The following PCDH9 variants were observed in gnomAD, a reference collection of about 807,000 sequenced individuals.
PCDH9 encodes the protein protocadherin 9, also known as protocadherin-9.
PCDH9 carries 24 observed loss-of-function variants against 70.6 expected under a neutral mutation model. The observed-to-expected ratio is 0.34, with a 90% CI of 0.25 to 0.48. The LOEUF (loss-of-function observed/expected upper bound fraction) is 0.48, where lower values mean the gene tolerates loss of function less well. PCDH9 is among the 20% of genes least tolerant of loss of function. The pLI, the probability that PCDH9 is intolerant of heterozygous loss-of-function variation, is 0.99. For synonymous variants in PCDH9, 562 were observed against 558.5 expected (o/e 1.01, Z -0.09); for missense variants, 1,281 against 1,503.6 (o/e 0.85, Z 2.45).
chr13:67,131,198 A>G (rs1166812866), intron 2 of PCDH9, among the ~76,000 whole-genome samples: 1 of 152,118 alleles, frequency 6.6e-6, no homozygotes, highest in Non-Finnish European at 1.5e-5. Context: ...TTAGACTCCT[A>G]TTTTAAACTA....
At chr13:67,122,548 G>A (rs1049573374) in intron 2 of PCDH9, among the ~76,000 whole-genome samples, 24 of 152,040 alleles carry the variant, frequency 1.6e-4, no homozygotes, top group African/African-American at 5.8e-4. Flanking sequence ...GTCGAGGTGG[G>A]CGGATGACGA....
chr13:66,505,653 G>A (rs1352396458), intron 4 of PCDH9, among the ~76,000 whole-genome samples: 2 of 151,114 alleles, frequency 1.3e-5, no homozygotes, highest in Non-Finnish European at 2.9e-5. Flanking sequence ...TTGTGTAGGG[G>A]AACTCCCCTT....
chr13:66,973,466 G>A (rs1006345852), intron 2 of PCDH9, among the ~76,000 whole-genome samples: 1 of 151,900 alleles, frequency 6.6e-6, no homozygotes, highest in Non-Finnish European at 1.5e-5. Flanking sequence ...AAAGGAGGAG[G>A]AAACGACCAA....
intron 3 of PCDH9, among the ~76,000 whole-genome samples, chr13:66,816,504 T>C (rs2080608137): frequency 6.6e-6 from 1 of 152,100 alleles, no homozygotes. Flanking sequence ...TTTAAATTTA[T>C]TCCTTTTTTC....
At chr13:66,625,808 G>T (rs927640193) in intron 4 of PCDH9, among the ~76,000 whole-genome samples, 1 of 151,612 alleles carries the variant, frequency 6.6e-6, no homozygotes, top group Non-Finnish European at 1.5e-5. Context: ...TTACAGGCAC[G>T]CACCACCACA....
intron 2 of PCDH9, among the ~76,000 whole-genome samples, chr13:66,922,476 A>G (rs2082652366): frequency 6.6e-6 from 1 of 151,426 alleles, no homozygotes; most frequent in Non-Finnish European, 1.5e-5. Flanking sequence ...GACATTTTGT[A>G]TCTTTAATTT....
intron 4 of PCDH9, among the ~76,000 whole-genome samples, chr13:66,408,280 G>C (rs796557586): frequency 3.0e-4 from 46 of 152,272 alleles, no homozygotes; most frequent in Middle Eastern, 3.4e-3. Context: ...GGATGGTCTC[G>C]ATCTCCCAGC....
At chr13:67,165,927 T>C (rs1240592766) in intron 2 of PCDH9, among the ~76,000 whole-genome samples, 1 of 152,178 alleles carries the variant, frequency 6.6e-6, no homozygotes, top group African/African-American at 2.4e-5. Flanking sequence ...AATTAGAAAC[T>C]ACGTAACTAC....
chr13:66,850,936 C>A (rs80054745), intron 3 of PCDH9, among the ~76,000 whole-genome samples: 6 of 152,146 alleles, frequency 3.9e-5, no homozygotes, highest in African/African-American at 7.2e-5. Flanking sequence ...TACTTACAGA[C>A]AAGCTAGTCT....
chr13:67,130,279 A>T (rs1215731776), intron 2 of PCDH9, among the ~76,000 whole-genome samples: 1 of 152,192 alleles, frequency 6.6e-6, no homozygotes, highest in African/African-American at 2.4e-5. Context: ...GAAACAAAAC[A>T]CATCGAATAT....
chr13:67,183,054 A>G (rs2088658982), intron 2 of PCDH9, among the ~76,000 whole-genome samples: 1 of 152,172 alleles, frequency 6.6e-6, no homozygotes, highest in South Asian at 2.1e-4. Context: ...GATTTCTATG[A>G]CTGTTACTAC....
chr13:66,862,347 T>C (rs2081497818), intron 3 of PCDH9, among the ~76,000 whole-genome samples: 1 of 152,194 alleles, frequency 6.6e-6, no homozygotes, highest in Admixed American at 6.5e-5. Flanking sequence ...GTCTATAGTG[T>C]GTGGGTGTAG....
chr13:67,150,662 C>T (rs757357679), intron 2 of PCDH9, among the ~76,000 whole-genome samples: 11 of 152,090 alleles, frequency 7.2e-5, no homozygotes, highest in Non-Finnish European at 1.2e-4. Flanking sequence ...GAAGTGAGAA[C>T]AATAATTTCT....
At chr13:66,444,765 T>C (rs1157784693) in intron 4 of PCDH9, among the ~76,000 whole-genome samples, 1 of 152,032 alleles carries the variant, frequency 6.6e-6, no homozygotes, top group Non-Finnish European at 1.5e-5. Flanking sequence ...TTCACCATGT[T>C]GGCCAGGCTG....
chr13:66,872,395 A>G (rs1396172536), intron 3 of PCDH9, among the ~76,000 whole-genome samples: 1 of 152,106 alleles, frequency 6.6e-6, no homozygotes, highest in African/African-American at 2.4e-5. Flanking sequence ...AGTTGAAATA[A>G]TTTTACCATA....
chr13:66,816,049 T>G (rs1362788458), intron 3 of PCDH9, among the ~76,000 whole-genome samples: 2 of 152,216 alleles, frequency 1.3e-5, no homozygotes, highest in Non-Finnish European at 2.9e-5. Flanking sequence ...CAAATGCAGT[T>G]ACTTTCCATG....
chr13:66,711,245 C>A (rs1180585693), intron 3 of PCDH9, among the ~76,000 whole-genome samples: 1 of 152,082 alleles, frequency 6.6e-6, no homozygotes, highest in Non-Finnish European at 1.5e-5. Context: ...AATATGATTG[C>A]AATATCTTAA....
chr13:67,097,550 C>T (rs1009861455), intron 2 of PCDH9, among the ~76,000 whole-genome samples: 10 of 152,090 alleles, frequency 6.6e-5, no homozygotes, highest in African/African-American at 2.4e-4. Context: ...ATGTCTATAA[C>T]AGTAACTAAG....
rs2080003706 is a variant in PCDH9, at chr13:66,781,857, A to T, written c.3138+121647T>A. 2.4e-5 allele frequency among the ~76,000 whole-genome samples: 3 copies of T among 125,900 alleles called. No individual in the cohort carries two copies. The South Asian group carries it at 9.1e-4, about 38-fold the overall frequency. 82.6% of individuals were successfully genotyped at this position (125,900 alleles called of 152,430 possible). A position where few individuals can be genotyped will look rare whatever the true frequency, so the allele number is the denominator to read the frequency against. On this transcript the variant is annotated intron_variant, in intron 3 of 4. Transcript: ENST00000377865. ...ATTTCAATAACATCTATCACATAAT[A>T]ATCAGGAAGAAATGGCTACATCTCG...
Sources: allele counts gnomAD v4.1 joint callset (sites outside exome capture counted in the v4.1 genomes callset), GRCh38; gene constraint gnomAD v4.1.1; transcripts MANE v1.5; gene names NCBI Gene and HGNC (gene_info 2026-07-23, HGNC 2026-07-21).